Variants in FNBP1 observed in about 807,000 individuals in gnomAD.
FNBP1 encodes formin-binding protein 1.
In FNBP1, 26 loss-of-function variants were observed where a neutral mutation model predicts 90.6. The observed-to-expected ratio is 0.29, with a 90% CI of 0.21 to 0.40. The LOEUF (loss-of-function observed/expected upper bound fraction) is 0.40. Ranked by LOEUF, FNBP1 falls within the 10% of genes least tolerant of loss-of-function variation. The pLI, the probability that FNBP1 is intolerant of heterozygous loss-of-function variation, is 1.00. For synonymous variants in FNBP1, 260 were observed against 265.2 expected, an observed-to-expected ratio of 0.98 and a Z score of 0.19; for missense variants, 635 against 768.0, an observed-to-expected ratio of 0.83 and a Z score of 2.05.
intron 6 of FNBP1, among the ~76,000 whole-genome samples, chr9:129,947,494 T>A (rs2045502108): frequency 6.7e-6 from 1 of 149,586 alleles, no homozygotes; most frequent in Non-Finnish European, 1.5e-5. Flanking sequence ...TTCCTCAGAG[T>A]CAAGGATCGT....
chr9:129,994,295 AAAG>A (rs2053655985), intron 2 of FNBP1, among the ~76,000 whole-genome samples: 1 of 152,226 alleles, frequency 6.6e-6, no homozygotes, highest in Non-Finnish European at 1.5e-5. Context: ...ATATAGAACA[AAAG>A]AAGCCAGATA....
chr9:129,984,278 A>AT (rs948590794), intron 2 of FNBP1, among the ~76,000 whole-genome samples: 1 of 152,312 alleles, frequency 6.6e-6, no homozygotes, highest in Non-Finnish European at 1.5e-5. Context: ...AATAAAAAAA[A>AT]TAAAAAAAAT....
chr9:129,931,280 G>C (rs905743279), intron 6 of FNBP1, among the ~76,000 whole-genome samples: 1 of 152,010 alleles, frequency 6.6e-6, no homozygotes, highest in Admixed American at 6.6e-5. Context: ...CTGCGCAACA[G>C]AACGAGACCC....
rs1208802416 is a variant in FNBP1, at chr9:129,900,649, T to G, written c.1429-102A>C. 1 of 1,215,932 alleles carries G rather than the reference T, an allele frequency of 8.2e-7. No individual in the cohort carries two copies. Among genetic ancestry groups the G allele is most frequent in the Non-Finnish European group, 1.1e-6 (1 of 946,620 alleles). The allele number at this position is 1,215,932 out of a possible 1,614,324, so 75.3% of individuals were successfully genotyped here. ...GCCATCTGAGGGCCAGCCCGGAGCA[T>G]CCTAAGGTCCCAAACTCAGGGGCTA... On this transcript the variant is annotated intron_variant, in intron 13 of 16. Transcript: ENST00000446176. This position sits in a 1 kb window ranked among gnomAD's most constrained non-coding sequence, Gnocchi z 4.1.
At chr9:130,019,299 CAAAAA>C (rs377349862) in intron 1 of FNBP1, among the ~76,000 whole-genome samples, 1 of 79,196 alleles carries the variant, frequency 1.3e-5, no homozygotes, top group African/African-American at 4.5e-5. Flanking sequence ...GACTCTGTCT[CAAAAA>C]AAAAAAAAAA....
chr9:129,895,842 G>T lies in FNBP1; in HGVS notation c.1842C>A (p.Ala614=). The change falls in exon 16 of 17, where the codon GCC becomes GCA. Residue 614 remains alanine (A), a synonymous_variant. Transcript: ENST00000446176. The stretch of plus-strand genomic sequence containing the variant: ...ATTAAATATAAGTCTTAGCACCTTT[G>T]GCATTTTTGTCCAAACAGACTTCGA... ...SYVEVCLDKN[A]KDS 6.2e-7 allele frequency: 1 copy of T among 1,601,270 alleles called. No homozygotes were observed.
At chr9:130,046,001 T>C (rs1469645034), upstream of FNBP1, among the ~76,000 whole-genome samples, 2 of 152,124 alleles carry the variant, frequency 1.3e-5, no homozygotes, top group Non-Finnish European at 2.9e-5. Flanking sequence ...TTAATCTGGG[T>C]TGCAGATACT....
chr9:129,914,939 A>T (rs1223555398), intron 11 of FNBP1: 1 of 462,720 alleles, frequency 2.2e-6, no homozygotes, highest in Non-Finnish European at 4.5e-6. Context: ...AAACTATTAT[A>T]CATATTTGAA....
rs975481501 is a variant in FNBP1, at chr9:129,947,819, T to C, written c.513+9541A>G. Among the ~76,000 whole-genome samples the C allele has an allele frequency of 1.6e-4, 24 of 151,896 alleles. No homozygotes were observed. The East Asian group carries it at 1.8e-3, about 11-fold the overall frequency. On this transcript the variant is annotated intron_variant, in intron 6 of 16. Coordinates refer to ENST00000446176, the MANE Select transcript of FNBP1 (RefSeq NM_015033.3). ...GTATTTTTAGTAGAGACAGGGTTTCTCCATGTTGGTCAGGCTGGTCTCGAA... is the reference window on the plus strand; with the variant it reads ...GTATTTTTAGTAGAGACAGGGTTTCCCCATGTTGGTCAGGCTGGTCTCGAA...
intron 6 of FNBP1, among the ~76,000 whole-genome samples, chr9:129,955,820 T>A (rs1445547492): frequency 7.2e-6 from 1 of 139,248 alleles, no homozygotes; most frequent in Non-Finnish European, 1.5e-5. Context: ...TATACATATA[T>A]ACTTCTTTTA....
chr9:129,997,989 C>T (rs2054260045), intron 1 of FNBP1, among the ~76,000 whole-genome samples: 1 of 150,014 alleles, frequency 6.7e-6, no homozygotes, highest in Admixed American at 6.7e-5. Context: ...GAGTTTGAGA[C>T]TAGCCTGGCC....
intron 10 of FNBP1, among the ~76,000 whole-genome samples, chr9:129,918,063 G>A (rs1049708484): frequency 3.3e-5 from 5 of 152,006 alleles, no homozygotes; most frequent in African/African-American, 1.2e-4. Flanking sequence ...CTTTCTTTAC[G>A]CAAAGTTATA....
the FNBP1 span, among the ~76,000 whole-genome samples, chr9:130,053,158 A>G: frequency 6.6e-6 from 1 of 152,168 alleles, no homozygotes; most frequent in Non-Finnish European, 1.5e-5. Context: ...AAGCAAAGAA[A>G]GTTTCCATAC....
At chr9:129,942,769 T>C (rs1045411598) in intron 6 of FNBP1, among the ~76,000 whole-genome samples, 3 of 151,884 alleles carry the variant, frequency 2.0e-5, no homozygotes, top group African/African-American at 7.3e-5. Flanking sequence ...CACTTTCCAG[T>C]GTAGGTTTTT....
chr9:129,932,600 T>C (rs2042929579), intron 6 of FNBP1, among the ~76,000 whole-genome samples: 2 of 152,182 alleles, frequency 1.3e-5, no homozygotes, highest in Non-Finnish European at 2.9e-5. Context: ...CTGAGGTTTT[T>C]TGAGTTTCTT....
At chr9:129,915,288 A>T (rs766555737) in intron 11 of FNBP1, among the ~76,000 whole-genome samples, 1 of 152,074 alleles carries the variant, frequency 6.6e-6, no homozygotes, top group Non-Finnish European at 1.5e-5. Context: ...GTTCTCTAAT[A>T]GCAACATTTT....
rs1393282402 is a variant in FNBP1 at position 129,929,736 on chromosome 9, T to C, written c.514-41A>G. On this transcript the variant is annotated intron_variant, in intron 6 of 16. Coordinates refer to ENST00000446176, the MANE Select transcript of FNBP1 (RefSeq NM_015033.3). ...AGAATACTCCTACGTTTATACACCA[T>C]AGATAAAAGCCTGGGTGCAATCAAT... is the stretch of plus-strand genomic sequence containing the variant. The C allele has an allele frequency of 7.5e-6, 12 of 1,606,304 alleles. No homozygotes were observed. In the East Asian group the frequency reaches 1.6e-4, roughly 21 times the overall value.
rs1351154394 is a variant in FNBP1, at chr9:129,887,503, A to C, written c.*3036T>G. On this transcript the variant is annotated 3_prime_UTR_variant, in exon 17 of 17. Coordinates refer to ENST00000446176, the MANE Select transcript of FNBP1 (RefSeq NM_015033.3). ...AACATGAAACCAATATTTCTGGAAA[A>C]ACACTTAGCATGAACGTCACTTTTT... The C allele has an allele frequency of 4.9e-6, 1 of 204,642 alleles. No homozygotes were observed. Among genetic ancestry groups the C allele is most frequent in the Non-Finnish European group, 1.0e-5 (1 of 99,880 alleles). The allele number at this position is 204,642 out of a possible 1,614,324, so 12.7% of individuals were successfully genotyped here.
chr9:129,992,938 A>G (rs1303854773), intron 2 of FNBP1, among the ~76,000 whole-genome samples: 1 of 150,012 alleles, frequency 6.7e-6, no homozygotes, highest in African/African-American at 2.4e-5. Context: ...AAAAAAAAAG[A>G]AAAAAGGGCT....
Sources: gnomAD v4.1 joint callset for allele counts (sites outside exome capture counted in the v4.1 genomes callset) on GRCh38, gnomAD v4.1.1 for gene constraint, Gnocchi (gnomAD v3.1) non-coding constraint, MANE v1.5 for transcripts, NCBI Gene and HGNC (gene_info 2026-07-23, HGNC 2026-07-21) for gene names.